The following TBC1D31 variants were observed in gnomAD, a reference collection of about 807,000 sequenced individuals.
The protein encoded by TBC1D31 is TBC1 domain family member 31.
Under a neutral mutation model 132.9 loss-of-function variants are expected in TBC1D31, and 99 were observed. The observed-to-expected ratio is 0.74, with a 90% CI of 0.63 to 0.88. The LOEUF (loss-of-function observed/expected upper bound fraction) is 0.88. Among genes scored for constraint, TBC1D31 ranks in the 40% least tolerant of loss-of-function variants. The pLI is 0.00. For missense variants in TBC1D31, 1,134 were observed against 1,256.6 expected (o/e 0.90, Z 1.48); for synonymous variants, 385 against 419.4 (o/e 0.92, Z 1.00).
At chr8:123,128,112 A>T in intron 13 of TBC1D31, 169 bp from the exon 14 acceptor site, 1 of 432,210 alleles carries the variant, frequency 2.3e-6, no homozygotes. Context: ...TACATTTTTT[A>T]AATAAATTGT....
intron 10 of TBC1D31, among the ~76,000 whole-genome samples, chr8:123,119,348 A>G (rs1156791648): frequency 1.3e-5 from 2 of 152,234 alleles, no homozygotes; most frequent in Non-Finnish European, 2.9e-5. Flanking sequence ...TGGCACATAC[A>G]GTGGCATTAA....
intron 6 of TBC1D31, among the ~76,000 whole-genome samples, chr8:123,099,587 A>C (rs1286458901): frequency 6.6e-6 from 1 of 152,064 alleles, no homozygotes; most frequent in African/African-American, 2.4e-5. Flanking sequence ...GACAGTGGGG[A>C]GCCTCAGTGG....
At chr8:123,113,919 C>G (rs962274433) in intron 10 of TBC1D31, among the ~76,000 whole-genome samples, 3 of 151,834 alleles carry the variant, frequency 2.0e-5, no homozygotes, top group Admixed American at 2.0e-4. Flanking sequence ...CCTTTTTTTT[C>G]TGCTACAAAA....
chr8:123,119,522 G>T (rs1036939215), intron 10 of TBC1D31, among the ~76,000 whole-genome samples: 22 of 152,124 alleles, frequency 1.4e-4, no homozygotes, highest in Admixed American at 6.6e-4. Context: ...ACCAGCCTGG[G>T]TAATATAGTG....
chr8:123,114,886 C>T (rs1475293845), intron 10 of TBC1D31, among the ~76,000 whole-genome samples: 1 of 152,152 alleles, frequency 6.6e-6, no homozygotes, highest in Non-Finnish European at 1.5e-5. Flanking sequence ...CGCTTATCTT[C>T]CTTTTTACTT....
At chr8:123,077,820 G>A (rs186989075) in intron 2 of TBC1D31, among the ~76,000 whole-genome samples, 79 of 152,254 alleles carry the variant, frequency 5.2e-4, no homozygotes, top group Non-Finnish European at 1.0e-3. Context: ...AGGCCAAGGC[G>A]GGCGGATCGC....
intron 10 of TBC1D31, 36 bp from the exon 11 acceptor site, chr8:123,120,019 C>T (rs1338577119): frequency 6.7e-7 from 1 of 1,486,542 alleles, no homozygotes; most frequent in Non-Finnish European, 9.0e-7. Context: ...ATTATTTATT[C>T]AAATAAATTT....
chr8:123,156,613 C>T (rs1211401778), downstream of TBC1D31, among the ~76,000 whole-genome samples: 6 of 152,136 alleles, frequency 3.9e-5, no homozygotes, highest in Non-Finnish European at 8.8e-5. Flanking sequence ...AAGAACGTAG[C>T]AGGTGAGGAC....
At chr8:123,156,932 G>T (rs1191380356), downstream of TBC1D31, among the ~76,000 whole-genome samples, 1 of 152,190 alleles carries the variant, frequency 6.6e-6, no homozygotes, top group African/African-American at 2.4e-5. Context: ...CTAACCCAGA[G>T]CTGTGCGCGA....
At chr8:123,091,231 C>T (rs976026493) in intron 4 of TBC1D31, among the ~76,000 whole-genome samples, 10 of 152,048 alleles carry the variant, frequency 6.6e-5, no homozygotes, top group African/African-American at 1.9e-4. Flanking sequence ...CAATTAAAAT[C>T]ACAAATCTAG....
intron 5 of TBC1D31, 103 bp from the exon 6 acceptor site, chr8:123,097,179 A>G: frequency 8.0e-7 from 1 of 1,245,696 alleles, no homozygotes; most frequent in Admixed American, 2.1e-5. Context: ...CATATTGCAT[A>G]GCATAGACAC....
chr8:123,144,593 G>C, intron 19 of TBC1D31, 124 bp from the exon 20 acceptor site: 1 of 951,840 alleles, frequency 1.1e-6, no homozygotes, highest in Non-Finnish European at 1.5e-6. Context: ...ACACCAAACA[G>C]ATCCTACTTG....
intron 4 of TBC1D31, among the ~76,000 whole-genome samples, chr8:123,092,485 A>G (rs1816421921): frequency 1.3e-5 from 2 of 152,276 alleles, no homozygotes; most frequent in African/African-American, 4.8e-5. Context: ...TAATATAAAC[A>G]CTGTATTAAA....
Position 123,128,283 on chromosome 8 carries a change from T to G in TBC1D31, c.1887T>G (p.Phe629Leu). Residue 629 changes from phenylalanine (F) to leucine (L), a missense_variant and splice_region_variant, in exon 14 of 22, where the codon TTT (phenylalanine) becomes TTG (leucine). Transcript: ENST00000287380. ...TTAAACACCAAGTTTTCTTACAGTT[T>G]TTTTTTCACCATCGGAATAACCTGG... is the stretch of plus-strand genomic sequence containing the variant. ...LSCNLKDDFEFFFHHRNNLDI... is the reference protein window; with the variant it reads ...LSCNLKDDFELFFHHRNNLDI... The G allele has an allele frequency of 6.3e-7, 1 of 1,575,240 alleles. No homozygotes were observed. Among genetic ancestry groups the G allele is most frequent in the Non-Finnish European group, 8.7e-7 (1 of 1,149,986 alleles).
At position 123,093,635 on chromosome 8, in the gene TBC1D31, A is replaced by C. The variant is rs1459800427; in HGVS notation, c.564A>C (p.Lys188Asn). ...GTAATACCATCCTCAGCTGTTTTAA[A>C]GATAATTCCATTTTTGCCTGGGAAT... The part of the protein sequence containing the change: ...PLSNTILSCF[K>N]DNSIFAWECD... Residue 188 changes from lysine to asparagine, a missense_variant, in exon 5 of 22, where the codon AAA (lysine) becomes AAC (asparagine). By Grantham distance (94) the Lys-to-Asn change is moderately conservative. Transcript: ENST00000287380. 6.2e-7 allele frequency: 1 copy of C among 1,611,748 alleles called. No individual in the cohort carries two copies. Among genetic ancestry groups the C allele is most frequent in the East Asian group, 2.2e-5 (1 of 44,716 alleles).
At chr8:123,091,836 TAGG>T (rs913299099) in intron 4 of TBC1D31, among the ~76,000 whole-genome samples, 2 of 152,196 alleles carry the variant, frequency 1.3e-5, no homozygotes, top group Admixed American at 6.5e-5. Flanking sequence ...AAATGAAAAT[TAGG>T]AGAATAAAGT....
chr8:123,079,380 T>TA (rs1478790269), intron 2 of TBC1D31, among the ~76,000 whole-genome samples: 1 of 152,198 alleles, frequency 6.6e-6, no homozygotes, highest in Non-Finnish European at 1.5e-5. Flanking sequence ...CTTAAATAGT[T>TA]AAAGAAAAGA....
chr8:123,075,683 A>G (rs1370662615), intron 1 of TBC1D31, among the ~76,000 whole-genome samples: 1 of 152,096 alleles, frequency 6.6e-6, no homozygotes, highest in Non-Finnish European at 1.5e-5. Context: ...AGCCTGGGTG[A>G]CAGAGCGAGA....
At chr8:123,122,164 G>A (rs35164000) in intron 11 of TBC1D31, among the ~76,000 whole-genome samples, 12,022 of 152,192 alleles carry the variant, frequency 0.079, 607 homozygotes, top group Admixed American at 0.16. Flanking sequence ...TAGAATTACC[G>A]TATAACCCAA....
Sources: allele counts gnomAD v4.1 joint callset (sites outside exome capture counted in the v4.1 genomes callset), GRCh38; gene constraint gnomAD v4.1.1; transcripts MANE v1.5; gene names NCBI Gene and HGNC (gene_info 2026-07-23, HGNC 2026-07-21).